Variants in MEGF10 observed in about 807,000 individuals in gnomAD.
The protein encoded by MEGF10 is multiple EGF like domains 10.
In MEGF10, 86 loss-of-function variants were observed where a neutral mutation model predicts 147.5. The ratio of observed to expected loss-of-function variants is 0.58; its 90% confidence interval spans 0.49 to 0.70. MEGF10 has a LOEUF of 0.70. Ranked by LOEUF, MEGF10 falls within the 30% of genes least tolerant of loss-of-function variation. The pLI is 0.00. For missense variants in MEGF10, 1,329 were observed against 1,487.3 expected (o/e 0.89, Z 1.75); for synonymous variants, 478 against 525.5 (o/e 0.91, Z 1.24).
the MEGF10 span, among the ~76,000 whole-genome samples, chr5:127,277,557 G>C: frequency 6.6e-6 from 1 of 152,224 alleles, no homozygotes; most frequent in East Asian, 1.9e-4. Context: ...TAAGATGGGA[G>C]AACATGGGGG....
chr5:127,370,842 G>T (rs994496606), intron 5 of MEGF10, among the ~76,000 whole-genome samples: 1 of 152,114 alleles, frequency 6.6e-6, no homozygotes, highest in Non-Finnish European at 1.5e-5. Context: ...AGGAATTAAA[G>T]TGCAACTAAA....
At chr5:127,390,063 C>A (rs560806553) in intron 5 of MEGF10, among the ~76,000 whole-genome samples, 1 of 152,250 alleles carries the variant, frequency 6.6e-6, no homozygotes, top group South Asian at 2.1e-4. Flanking sequence ...ATTTAGAAAA[C>A]CTGGTTAAAC....
At chr5:127,396,983 G>T (rs756818964) in intron 6 of MEGF10, among the ~76,000 whole-genome samples, 11 of 152,182 alleles carry the variant, frequency 7.2e-5, no homozygotes, top group Non-Finnish European at 1.2e-4. Flanking sequence ...TCAGATCCCA[G>T]CCTGAATCTA....
chr5:127,291,631 A>G (rs1472268172), intron 1 of MEGF10, among the ~76,000 whole-genome samples: 1 of 152,166 alleles, frequency 6.6e-6, no homozygotes, highest in African/African-American at 2.4e-5. Context: ...CCTTGTCAGT[A>G]TGCTTGGCTC....
At position 127,445,521 on chromosome 5, in the gene MEGF10, T is replaced by C; in HGVS notation, c.2556T>C (p.Asp852=). 3.7e-6 allele frequency: 6 copies of C among 1,614,188 alleles called. No homozygotes were observed. Among genetic ancestry groups the C allele is most frequent in the Non-Finnish European group, 4.2e-6 (5 of 1,180,024 alleles). The change falls in exon 20 of 25, where the codon GAT becomes GAC. Residue 852 remains aspartate (D), a synonymous_variant. Transcript: ENST00000503335. ...LSRTSTALPA[D]SYQIGAIAGI... ...GAACCAGTACTGCTCTCCCTGCTGA[T>C]TCCTACCAGATCGGGGCCATTGCAG... is the stretch of plus-strand genomic sequence containing the variant.
the MEGF10 span, among the ~76,000 whole-genome samples, chr5:127,271,658 G>T: frequency 6.6e-6 from 1 of 152,032 alleles, no homozygotes; most frequent in South Asian, 2.1e-4. Flanking sequence ...GATAGTGAGT[G>T]AGTTCTTACA....
the MEGF10 span, among the ~76,000 whole-genome samples, chr5:127,280,210 G>A: frequency 2.0e-5 from 3 of 152,220 alleles, no homozygotes; most frequent in African/African-American, 7.2e-5. Context: ...TCATTCAGGA[G>A]GGGTGGTGTT....
chr5:127,309,590 A>G (rs564232085), intron 1 of MEGF10, among the ~76,000 whole-genome samples: 2 of 152,318 alleles, frequency 1.3e-5, no homozygotes, highest in East Asian at 3.9e-4. Flanking sequence ...AATGTCCTCA[A>G]AGTCCAGCCA....
At chr5:127,312,921 C>T (rs1456748174) in intron 1 of MEGF10, among the ~76,000 whole-genome samples, 1 of 152,116 alleles carries the variant, frequency 6.6e-6, no homozygotes, top group Non-Finnish European at 1.5e-5. Flanking sequence ...TTAATTACAT[C>T]TGAAAAGGTC....
At chr5:127,249,389 A>G in the MEGF10 span, among the ~76,000 whole-genome samples, 3 of 151,888 alleles carry the variant, frequency 2.0e-5, no homozygotes, top group Non-Finnish European at 4.4e-5. Context: ...GGAGGAGAAG[A>G]GAGAAATACC....
intron 1 of MEGF10, among the ~76,000 whole-genome samples, chr5:127,291,450 T>C (rs1255668560): frequency 1.3e-5 from 2 of 152,196 alleles, no homozygotes; most frequent in Admixed American, 6.5e-5. Flanking sequence ...CCCTTTCTTC[T>C]AGGTCAGTTG....
intron 9 of MEGF10, among the ~76,000 whole-genome samples, chr5:127,412,812 C>T (rs1009779315): frequency 6.6e-6 from 1 of 152,194 alleles, no homozygotes; most frequent in Admixed American, 6.5e-5. Context: ...CTGCTGGTCT[C>T]CTTGTGTTCA....
chr5:127,362,334 T>G (rs1227453844), intron 4 of MEGF10, among the ~76,000 whole-genome samples: 1 of 150,574 alleles, frequency 6.6e-6, no homozygotes, highest in Non-Finnish European at 1.5e-5. Flanking sequence ...TAGTATGGTT[T>G]TTTTTTTTTT....
At chr5:127,335,155 G>A (rs925786208) in intron 2 of MEGF10, among the ~76,000 whole-genome samples, 2 of 152,262 alleles carry the variant, frequency 1.3e-5, no homozygotes, top group Non-Finnish European at 2.9e-5. Flanking sequence ...GTGCAGAATT[G>A]GGATCAGTTT....
chr5:127,460,449 A>C lies in MEGF10; in HGVS notation c.*3131A>C, dbSNP rs193298014. On this transcript the variant is annotated 3_prime_UTR_variant, in exon 25 of 25. Coordinates refer to ENST00000503335, the MANE Select transcript of MEGF10 (RefSeq NM_001256545.2). Reference sequence around the variant, plus strand: ...GTTTAGCATTATCTTTATGGAATTTATATTCACCAATTTCAGGAAAACCAA... The same window carrying C: ...GTTTAGCATTATCTTTATGGAATTTCTATTCACCAATTTCAGGAAAACCAA... The C allele has an allele frequency of 2.0e-4, 30 of 152,286 alleles. No individual in the cohort carries two copies. The East Asian group carries it at 5.6e-3, about 28-fold the overall frequency. The allele number at this position is 152,286 out of a possible 1,614,324, so 9.4% of individuals were successfully genotyped here. A position where few individuals can be genotyped will look rare whatever the true frequency, so the allele number is the denominator to read the frequency against.
intron 4 of MEGF10, among the ~76,000 whole-genome samples, chr5:127,367,060 C>T (rs1037133110): frequency 6.6e-6 from 1 of 152,104 alleles, no homozygotes; most frequent in Non-Finnish European, 1.5e-5. Flanking sequence ...ACCTTTCTTA[C>T]CAGTTGATTC....
chr5:127,372,277 A>G (rs374543340), intron 5 of MEGF10, among the ~76,000 whole-genome samples: 1 of 152,222 alleles, frequency 6.6e-6, no homozygotes, highest in African/African-American at 2.4e-5. Flanking sequence ...TAGAAACCAC[A>G]GTAATTTTTA....
chr5:127,415,921 T>C (rs1039017075), intron 9 of MEGF10, among the ~76,000 whole-genome samples: 6 of 142,494 alleles, frequency 4.2e-5, no homozygotes, highest in Middle Eastern at 3.8e-3. Flanking sequence ...AAAAAAAGAA[T>C]AACTTCTAGA....
intron 1 of MEGF10, among the ~76,000 whole-genome samples, chr5:127,310,398 A>G (rs1303420076): frequency 6.6e-6 from 1 of 151,940 alleles, no homozygotes; most frequent in African/African-American, 2.4e-5. Flanking sequence ...TTTGTTGCAA[A>G]AATTTTTAAA....
Sources: gnomAD v4.1 joint callset for allele counts (sites outside exome capture counted in the v4.1 genomes callset) on GRCh38, gnomAD v4.1.1 for gene constraint, MANE v1.5 for transcripts, NCBI Gene and HGNC (gene_info 2026-07-23, HGNC 2026-07-21) for gene names.